Variants in RABEP2 observed in about 807,000 individuals in gnomAD.
RABEP2 encodes the protein rab GTPase-binding effector protein 2.
A neutral mutation model predicts 74.1 loss-of-function variants in RABEP2; 57 were observed. That is an observed-to-expected ratio of 0.77 (90% CI 0.62 to 0.96). The LOEUF (loss-of-function observed/expected upper bound fraction) is 0.96. Among genes scored for constraint, RABEP2 ranks in the 40% least tolerant of loss-of-function variants. The probability of loss-of-function intolerance (pLI) is 0.00; values close to 1 mark genes in which losing one functional copy is unlikely to be tolerated. For missense variants in RABEP2, 692 were observed against 756.3 expected (o/e 0.91, Z 1.00); for synonymous variants, 351 against 344.0 (o/e 1.02, Z -0.23).
chr16:28,924,885 C>T (rs1229359593), intron 1 of RABEP2: 1 of 763,994 alleles, frequency 1.3e-6, no homozygotes, highest in African/African-American at 1.7e-5. Flanking sequence ...GCGCCCCTTC[C>T]TCACCGGGCC....
chr16:28,922,954 C>T (rs2152224160), intron 2 of RABEP2, among the ~76,000 whole-genome samples: 1 of 152,090 alleles, frequency 6.6e-6, no homozygotes, highest in South Asian at 2.1e-4. Context: ...GGCTGTTTTC[C>T]AGCTATATGA....
chr16:28,906,426 C>T (rs1356145359), intron 8 of RABEP2, among the ~76,000 whole-genome samples: 1 of 152,200 alleles, frequency 6.6e-6, no homozygotes, highest in African/African-American at 2.4e-5. Context: ...CCGTGGAGAG[C>T]GCTCAGGAAG....
Position 28,904,832 on chromosome 16 carries a change from C to G in RABEP2, c.*111G>C. The stretch of plus-strand genomic sequence containing the variant: ...GTGGCCCCCGTCAGTCCCCTCAACC[C>G]CAGTCTCAGGGACGGTGGAAAAGCC... On this transcript the variant is annotated 3_prime_UTR_variant, in exon 13 of 13. Coordinates refer to ENST00000358201, the MANE Select transcript of RABEP2 (RefSeq NM_024816.3). The G allele has an allele frequency of 2.4e-6, 2 of 847,946 alleles. No individual in the cohort carries two copies. Among genetic ancestry groups the G allele is most frequent in the East Asian group, 2.6e-5 (1 of 37,948 alleles). The allele number at this position is 847,946 out of a possible 1,614,324, so 52.5% of individuals were successfully genotyped here.
At position 28,908,642 on chromosome 16, in the gene RABEP2, C is replaced by T. The variant is rs761353717; in HGVS notation, c.1212G>A (p.Gln404=). ...AGCTGGGCAGTGATTCCTCCTCGCC[C>T]TGCTCCTGCTGCGAGCCCTGGGGGG... ...SSAPQGSQQE[Q]GEEESLPSSV... Residue 404 remains glutamine, a synonymous_variant, in exon 8 of 13, where the codon CAG becomes CAA. Coordinates refer to ENST00000358201, the MANE Select transcript of RABEP2 (RefSeq NM_024816.3). 1 of 1,614,020 alleles carries T rather than the reference C, an allele frequency of 6.2e-7. No individual in the cohort carries two copies. Among genetic ancestry groups the T allele is most frequent in the South Asian group, 1.1e-5 (1 of 91,070 alleles).
Position 28,906,037 on chromosome 16 carries a change from C to G in RABEP2, c.1405G>C (p.Val469Leu). 6.2e-7 allele frequency: 1 copy of G among 1,604,380 alleles called. No individual in the cohort carries two copies. Among genetic ancestry groups the G allele is most frequent in the Non-Finnish European group, 8.5e-7 (1 of 1,176,174 alleles). ...CCCTCACCTGTCTCCTCCCGCTGCA[C>G]CCTCAGCTGCCCCTCCAGGCTGGCC... ...ARASLEGQLRVQREETEVLEA... is the reference protein window; with the variant it reads ...ARASLEGQLRLQREETEVLEA... Residue 469 changes from valine (V) to leucine (L), a missense_variant, in exon 9 of 13, where the codon GTG (valine) becomes CTG (leucine). Physicochemically the swap from Val to Leu is conservative, Grantham distance 32. Coordinates refer to ENST00000358201, the MANE Select transcript of RABEP2 (RefSeq NM_024816.3).
At chr16:28,912,763 C>T (rs1305497118) in intron 5 of RABEP2, among the ~76,000 whole-genome samples, 1 of 152,056 alleles carries the variant, frequency 6.6e-6, no homozygotes, top group East Asian at 1.9e-4. Flanking sequence ...CGTTGCTTAA[C>T]CCTGCAGGTG....
Position 28,905,686 on chromosome 16 carries a change from C to T in RABEP2, c.1491+18G>A, listed in dbSNP as rs770155649. On this transcript the variant is annotated intron_variant, in intron 11 of 12. Transcript: ENST00000358201. Reference sequence around the variant, plus strand: ...AGCTGGGTCCCTCTCCTCCCAGTCCCCCTGCCCTCCCCCTCACCTTGCTCT... The same window carrying T: ...AGCTGGGTCCCTCTCCTCCCAGTCCTCCTGCCCTCCCCCTCACCTTGCTCT... The T allele has an allele frequency of 3.7e-6, 6 of 1,612,984 alleles. No individual in the cohort carries two copies. In the South Asian group the frequency reaches 4.4e-5, roughly 12 times the overall value.
intron 8 of RABEP2, 128 bp downstream of exon 8, chr16:28,908,481 G>T (rs750648680): frequency 3.1e-6 from 3 of 966,746 alleles, no homozygotes; most frequent in Non-Finnish European, 4.4e-6. Context: ...CTGAGCCTTA[G>T]AGAAGGCAAA....
At chr16:28,921,647 ATTTTTT>A (rs56325875) in intron 2 of RABEP2, among the ~76,000 whole-genome samples, 3 of 113,404 alleles carry the variant, frequency 2.6e-5, no homozygotes, top group African/African-American at 3.5e-5. Flanking sequence ...TAGAACATAG[ATTTTTT>A]TTTTTTTTTT....
intron 2 of RABEP2, among the ~76,000 whole-genome samples, chr16:28,920,363 GTTATTATTATTATTATTA>G (rs147158210): frequency 1.4e-5 from 2 of 141,618 alleles, no homozygotes; most frequent in East Asian, 2.1e-4. Flanking sequence ...ATTTTTTTTG[GTTATTATTATTATTATTA>G]TTATTATTAT....
intron 8 of RABEP2, among the ~76,000 whole-genome samples, chr16:28,906,945 C>T (rs867510388): frequency 3.3e-5 from 5 of 151,860 alleles, no homozygotes; most frequent in Non-Finnish European, 4.4e-5. Flanking sequence ...GGCGACAGAG[C>T]GAGACTCTGT....
intron 5 of RABEP2, among the ~76,000 whole-genome samples, chr16:28,912,470 G>C (rs1190652732): frequency 1.4e-5 from 2 of 146,606 alleles, no homozygotes; most frequent in Non-Finnish European, 3.0e-5. Context: ...GTGCAGTGGC[G>C]CACGATCTCA....
At chr16:28,907,274 A>G (rs998944907) in intron 8 of RABEP2, among the ~76,000 whole-genome samples, 5 of 149,510 alleles carry the variant, frequency 3.3e-5, no homozygotes, top group African/African-American at 1.2e-4. Context: ...GTCCCACCTC[A>G]GACACTTGAG....
In RABEP2 at chr16:28,910,641, G is replaced by A. The variant is rs1411547158; in HGVS notation, c.1089+247C>T. ...ATTATGTCAGTTTTATAGATGGTGA[G>A]GCAGAGGCTGGGAGTCTGGGATTAG... On this transcript the variant is annotated intron_variant, in intron 7 of 12. Transcript: ENST00000358201. The A allele has an allele frequency of 8.7e-6, 4 of 458,978 alleles. No homozygotes were observed. The South Asian group carries it at 1.0e-4, about 12-fold the overall frequency. The allele number at this position is 458,978 out of a possible 1,614,324, so 28.4% of individuals were successfully genotyped here.
At position 28,904,517 on chromosome 16, in the gene RABEP2, G is replaced by A. The variant is rs571424242; in HGVS notation, c.*426C>T. 540 of 1,467,376 alleles carry A rather than the reference G, an allele frequency of 3.7e-4. 2 individuals carry two copies. Among genetic ancestry groups the A allele is most frequent in the South Asian group, 2.5e-3 (203 of 82,514 alleles). The allele number at this position is 1,467,376 out of a possible 1,614,324, so 90.9% of individuals were successfully genotyped here. A position where few individuals can be genotyped will look rare whatever the true frequency, so the allele number is the denominator to read the frequency against. ...GCCTGGGTCGCCGCTGTGGACAAGC[G>A]TCTTAGTGTCATGCAGACCAGAAGG... On this transcript the variant is annotated 3_prime_UTR_variant, in exon 13 of 13. Transcript: ENST00000358201.
rs1366972774 is a variant in RABEP2 at position 28,924,724 on chromosome 16, A to G, written c.62-109T>C. On this transcript the variant is annotated intron_variant, in intron 1 of 12. Coordinates refer to ENST00000358201, the MANE Select transcript of RABEP2 (RefSeq NM_024816.3). Reference sequence around the variant, plus strand: ...GTTGCCTTCATCTGGGGCCTCCTTCACCTGGGCCCGCCCGGCTCACCTGGC... The same window carrying G: ...GTTGCCTTCATCTGGGGCCTCCTTCGCCTGGGCCCGCCCGGCTCACCTGGC... The G allele has an allele frequency of 1.7e-5, 18 of 1,045,040 alleles. No individual in the cohort carries two copies. The Admixed American group carries it at 3.6e-4, about 21-fold the overall frequency. 64.7% of individuals were successfully genotyped at this position (1,045,040 alleles called of 1,614,324 possible). A position where few individuals can be genotyped will look rare whatever the true frequency, so the allele number is the denominator to read the frequency against.
rs575165157 is a variant in RABEP2, at chr16:28,922,854, A to G, written c.274+1549T>C. Reference sequence around the variant, plus strand: ...GGTTGCAGTGAGCTGAGACTGCACCACTGAACTCCAGTCTGGGTAACAGTG... The same window carrying G: ...GGTTGCAGTGAGCTGAGACTGCACCGCTGAACTCCAGTCTGGGTAACAGTG... On this transcript the variant is annotated intron_variant, in intron 2 of 12. Transcript: ENST00000358201. Among the ~76,000 whole-genome samples, 24 of 152,090 alleles carry G rather than the reference A, an allele frequency of 1.6e-4. 1 individual carries two copies. The highest frequency in any genetic ancestry group is 3.1e-4 in the Non-Finnish European group (21 of 68,004).
At chr16:28,912,924 T>A (rs541388486) in intron 5 of RABEP2, among the ~76,000 whole-genome samples, 1 of 152,226 alleles carries the variant, frequency 6.6e-6, no homozygotes, top group Non-Finnish European at 1.5e-5. Context: ...CTCAGGGCCT[T>A]CGAACTCACA....
chr16:28,908,230 C>A (rs762157594), intron 8 of RABEP2, among the ~76,000 whole-genome samples: 7 of 147,832 alleles, frequency 4.7e-5, no homozygotes, highest in Non-Finnish European at 8.9e-5. Flanking sequence ...TGTGAGCCAT[C>A]GCGCCTGGCT....
Sources: allele counts gnomAD v4.1 joint callset (sites outside exome capture counted in the v4.1 genomes callset), GRCh38; gene constraint gnomAD v4.1.1; transcripts MANE v1.5; gene names NCBI Gene and HGNC (gene_info 2026-07-23, HGNC 2026-07-21).